Variants in PDE8B observed in about 807,000 individuals in gnomAD.
PDE8B encodes phosphodiesterase 8B.
In PDE8B, 26 loss-of-function variants were observed where a neutral mutation model predicts 101.3. That is an observed-to-expected ratio of 0.26 (90% CI 0.19 to 0.36). The LOEUF is 0.36. PDE8B is among the 10% of genes least tolerant of loss of function. PDE8B has a pLI of 1.00. For synonymous variants in PDE8B, 424 were observed against 429.3 expected (o/e 0.99, Z 0.15); for missense variants, 810 against 1,163.1 (o/e 0.70, Z 4.42).
the PDE8B span, among the ~76,000 whole-genome samples, chr5:77,169,414 C>G: frequency 6.6e-6 from 1 of 152,120 alleles, no homozygotes; most frequent in Non-Finnish European, 1.5e-5. Context: ...AAGGGCTGAC[C>G]CCCAACGTCT....
chr5:77,211,381 T>A lies in PDE8B; in HGVS notation c.339+117T>A. 2.2e-6 allele frequency: 2 copies of A among 917,366 alleles called. No homozygotes were observed. The highest frequency in any genetic ancestry group is 3.3e-5 in the South Asian group (2 of 59,722). The allele number at this position is 917,366 out of a possible 1,614,324, so 56.8% of individuals were successfully genotyped here. A position where few individuals can be genotyped will look rare whatever the true frequency, so the allele number is the denominator to read the frequency against. On this transcript the variant is annotated intron_variant, in intron 1 of 21. Coordinates refer to ENST00000264917, the MANE Select transcript of PDE8B (RefSeq NM_003719.5). This position sits in a 1 kb window ranked among gnomAD's most constrained non-coding sequence, Gnocchi z 4.1. ...CGTGAGGCGGTTGGTTTGGAGAGGTTGTCACTAAGGAGGAGTTTACTTTTC... is the reference window on the plus strand; with the variant it reads ...CGTGAGGCGGTTGGTTTGGAGAGGTAGTCACTAAGGAGGAGTTTACTTTTC...
At chr5:77,328,788 G>A (rs1776555035) in intron 3 of PDE8B, among the ~76,000 whole-genome samples, 1 of 152,158 alleles carries the variant, frequency 6.6e-6, no homozygotes, top group African/African-American at 2.4e-5. Flanking sequence ...TAATTGCCTG[G>A]GAGTTAAGAG....
the PDE8B span, among the ~76,000 whole-genome samples, chr5:77,195,524 A>G: frequency 1.3e-5 from 2 of 152,028 alleles, no homozygotes; most frequent in East Asian, 1.9e-4. Flanking sequence ...GACTTTATTT[A>G]CATTCATTTT....
chr5:77,329,637 G>A (rs1011162350), intron 4 of PDE8B, among the ~76,000 whole-genome samples: 6 of 152,180 alleles, frequency 3.9e-5, no homozygotes, highest in African/African-American at 9.7e-5. Flanking sequence ...TGGGTTTATC[G>A]TCTGAAGTGG....
chr5:77,281,319 G>A (rs980698712), intron 1 of PDE8B, among the ~76,000 whole-genome samples: 6 of 152,230 alleles, frequency 3.9e-5, no homozygotes, highest in Non-Finnish European at 5.9e-5. Flanking sequence ...CTAATCCAAT[G>A]TTTTAGTTTC....
chr5:77,343,092 G>A (rs10942816), intron 6 of PDE8B, among the ~76,000 whole-genome samples: 52,223 of 151,994 alleles, frequency 0.34, 9,756 homozygotes, highest in African/African-American at 0.48. Flanking sequence ...CATGATCCAC[G>A]AAGATTTCAC....
At chr5:77,390,525 TTA>T (rs1789691671) in intron 10 of PDE8B, among the ~76,000 whole-genome samples, 1 of 152,184 alleles carries the variant, frequency 6.6e-6, no homozygotes, top group Non-Finnish European at 1.5e-5. Flanking sequence ...ATTCTACATT[TTA>T]TGCTTTTACA....
At chr5:77,404,415 C>G (rs891243785) in intron 11 of PDE8B, among the ~76,000 whole-genome samples, 2 of 152,184 alleles carry the variant, frequency 1.3e-5, no homozygotes, top group Non-Finnish European at 2.9e-5. Context: ...GGTGTGAGGC[C>G]CTGCGCCCGG....
At chr5:77,230,878 A>C (rs1753427083) in intron 1 of PDE8B, among the ~76,000 whole-genome samples, 1 of 152,236 alleles carries the variant, frequency 6.6e-6, no homozygotes, top group African/African-American at 2.4e-5. Flanking sequence ...AGTCTCAAGA[A>C]TCTTCAGGCA....
chr5:77,352,841 G>A (rs1278269790), intron 9 of PDE8B, among the ~76,000 whole-genome samples: 2 of 152,116 alleles, frequency 1.3e-5, no homozygotes, highest in Non-Finnish European at 2.9e-5. Context: ...CTGAGTTTCA[G>A]GACCCAGTCC....
chr5:77,313,735 A>C (rs1316930578), intron 2 of PDE8B, among the ~76,000 whole-genome samples: 1 of 152,218 alleles, frequency 6.6e-6, no homozygotes, highest in Non-Finnish European at 1.5e-5. Flanking sequence ...TATTTGTTTC[A>C]GAGTTTTCTC....
chr5:77,289,220 T>C (rs1198157146), intron 1 of PDE8B, among the ~76,000 whole-genome samples: 2 of 152,214 alleles, frequency 1.3e-5, no homozygotes, highest in East Asian at 3.8e-4. Context: ...AGGGAAATGA[T>C]AAAATAAGGC....
the PDE8B span, among the ~76,000 whole-genome samples, chr5:77,204,788 A>G: frequency 6.6e-6 from 1 of 152,150 alleles, no homozygotes; most frequent in South Asian, 2.1e-4. Flanking sequence ...TAACTACTAT[A>G]AAAGAATTGA....
the PDE8B span, among the ~76,000 whole-genome samples, chr5:77,090,524 C>T: frequency 6.6e-6 from 1 of 152,214 alleles, no homozygotes; most frequent in East Asian, 1.9e-4. Flanking sequence ...ACACCCGCCT[C>T]AACCTCCCAA....
chr5:77,414,372 AG>A (rs1254929423), intron 17 of PDE8B, among the ~76,000 whole-genome samples: 7 of 152,160 alleles, frequency 4.6e-5, no homozygotes, highest in African/African-American at 1.7e-4. Context: ...TTCTTTGAGG[AG>A]CAAAAACACC....
At chr5:77,400,495 C>G (rs747902448) in intron 11 of PDE8B, among the ~76,000 whole-genome samples, 11 of 152,196 alleles carry the variant, frequency 7.2e-5, no homozygotes, top group Non-Finnish European at 1.6e-4. Flanking sequence ...TTATGGCAAC[C>G]TTATCATACT....
At chr5:77,228,085 C>G (rs1420332073) in intron 1 of PDE8B, among the ~76,000 whole-genome samples, 1 of 152,196 alleles carries the variant, frequency 6.6e-6, no homozygotes, top group East Asian at 1.9e-4. Flanking sequence ...GAAAGCTTGA[C>G]TGGAGAAAAT....
At chr5:77,116,352 C>A in the PDE8B span, among the ~76,000 whole-genome samples, 7 of 151,468 alleles carry the variant, frequency 4.6e-5, no homozygotes, top group Non-Finnish European at 7.4e-5. Flanking sequence ...CTGCCTCAGC[C>A]TCCCGAGTAG....
At chr5:77,168,350 A>T in the PDE8B span, among the ~76,000 whole-genome samples, 1 of 152,208 alleles carries the variant, frequency 6.6e-6, no homozygotes, top group East Asian at 1.9e-4. Context: ...GAGGCCAGGG[A>T]GCAGCGAGGC....
Sources: gnomAD v4.1 joint callset for allele counts (sites outside exome capture counted in the v4.1 genomes callset) on GRCh38, gnomAD v4.1.1 for gene constraint, Gnocchi (gnomAD v3.1) non-coding constraint, MANE v1.5 for transcripts, NCBI Gene and HGNC (gene_info 2026-07-23, HGNC 2026-07-21) for gene names.